The following ABCC8 variants were observed in gnomAD, a reference collection of about 807,000 sequenced individuals.
ABCC8 encodes ATP-binding cassette sub-family C member 8.
In ABCC8, 137 loss-of-function variants were observed where a neutral mutation model predicts 188.0. The observed-to-expected ratio is 0.73, with a 90% CI of 0.63 to 0.84. ABCC8 has a LOEUF of 0.84. Among genes scored for constraint, ABCC8 ranks in the 40% least tolerant of loss-of-function variants. ABCC8 has a pLI of 0.00. For synonymous variants in ABCC8, 797 were observed against 846.5 expected (o/e 0.94, Z 1.01); for missense variants, 1,750 against 2,072.7 (o/e 0.84, Z 3.02).
intron 6 of ABCC8, among the ~76,000 whole-genome samples, chr11:17,457,089 G>C (rs913602136): frequency 1.3e-5 from 2 of 152,180 alleles, no homozygotes; most frequent in Non-Finnish European, 2.9e-5. Flanking sequence ...GGCCAAGAAG[G>C]AGCTAGTGAA....
intron 11 of ABCC8, 46 bp downstream of exon 11, chr11:17,432,158 T>C (rs1955877131): frequency 6.5e-7 from 1 of 1,549,492 alleles, no homozygotes; most frequent in Non-Finnish European, 8.7e-7. Flanking sequence ...GCAGACGCCC[T>C]CCCCCTCCAC....
rs1428579443 is a variant in ABCC8, at chr11:17,476,704, C to T, written c.73G>A (p.Gly25Ser). 6.2e-7 allele frequency: 1 copy of T among 1,611,614 alleles called. No individual in the cohort carries two copies. The highest frequency in any genetic ancestry group is 2.2e-5 in the East Asian group (1 of 44,776). ...YRVDQGVLNN[G>S]CFVDALNVVP... is the part of the protein sequence containing the mutation. The stretch of plus-strand genomic sequence containing the variant: ...ACGTTGAGCGCGTCCACAAAGCAGC[C>T]GTTGTTGAGGACCCCCTGGTCCACC... The change falls in exon 1 of 39, where the codon GGC (glycine) becomes AGC (serine). Residue 25 changes from glycine to serine, a missense_variant. Coordinates refer to ENST00000389817, the MANE Select transcript of ABCC8 (RefSeq NM_000352.6).
At chr11:17,460,207 G>A (rs547786918) in intron 6 of ABCC8, among the ~76,000 whole-genome samples, 59 of 152,362 alleles carry the variant, frequency 3.9e-4, no homozygotes, top group African/African-American at 1.4e-3. Flanking sequence ...ACAAACAAAA[G>A]CACTTCCTGC....
In ABCC8 at chr11:17,428,331, C is replaced by A; in HGVS notation, c.1998G>T (p.Leu666=). ...CRGLTGPLQS[L]VPSADGDADN... is the part of the protein sequence containing the mutation. ...CAGCATCGCCATCTGCACTGGGGAC[C>A]AGGCTCTGCAGTGGGCCGGTGAGGC... The change falls in exon 14 of 39, where the codon CTG becomes CTT. Residue 666 remains leucine (L), a synonymous_variant. Transcript: ENST00000389817. 6.2e-7 allele frequency: 1 copy of A among 1,614,182 alleles called. No individual in the cohort carries two copies.
intron 10 of ABCC8, among the ~76,000 whole-genome samples, chr11:17,434,569 G>A (rs1955993614): frequency 6.6e-6 from 1 of 152,154 alleles, no homozygotes; most frequent in Non-Finnish European, 1.5e-5. Context: ...CAACAAGAGG[G>A]GCTGTTGTAG....
At chr11:17,433,685 T>C (rs1177595129) in intron 10 of ABCC8, among the ~76,000 whole-genome samples, 1 of 152,162 alleles carries the variant, frequency 6.6e-6, no homozygotes, top group Non-Finnish European at 1.5e-5. Flanking sequence ...GGAAGGACAT[T>C]GTCCCCATCC....
intron 29 of ABCC8, among the ~76,000 whole-genome samples, chr11:17,401,416 A>G (rs990344700): frequency 2.0e-5 from 3 of 152,158 alleles, no homozygotes; most frequent in African/African-American, 4.8e-5. Context: ...TACTTAGACA[A>G]GATCCCTAAG....
chr11:17,439,626 A>G (rs866676481), intron 10 of ABCC8, among the ~76,000 whole-genome samples: 8 of 150,740 alleles, frequency 5.3e-5, no homozygotes, highest in African/African-American at 7.3e-5. Flanking sequence ...TAACGGAGGG[A>G]AAAAAAAACA....
At chr11:17,432,080 A>G in intron 11 of ABCC8, 124 bp downstream of exon 11, 1 of 1,306,968 alleles carries the variant, frequency 7.7e-7, no homozygotes, top group Non-Finnish European at 1.1e-6. Context: ...TCCTATTTTC[A>G]GTCTGGCTGT....
chr11:17,455,059 C>T (rs1956944175), intron 6 of ABCC8, among the ~76,000 whole-genome samples: 1 of 152,214 alleles, frequency 6.6e-6, no homozygotes, highest in South Asian at 2.1e-4. Context: ...AGCAACAACA[C>T]ATCATGAGAA....
At position 17,427,255 on chromosome 11, in the gene ABCC8, CT is replaced by C; in HGVS notation, c.2117-102del. On this transcript the variant is annotated intron_variant, in intron 15 of 38. Coordinates refer to ENST00000389817, the MANE Select transcript of ABCC8 (RefSeq NM_000352.6). The surrounding 1 kb of genome is among the most constrained non-coding windows in gnomAD (Gnocchi z 5.0). ...ACAGATGCACCCAACCCTGGGGCCC[CT>C]GTTTTCTTTCTTCCTACCTAGAATC... is the stretch of plus-strand genomic sequence containing the variant. 1 of 1,384,152 alleles carries C rather than the reference CT, an allele frequency of 7.2e-7. No individual in the cohort carries two copies. Among genetic ancestry groups the C allele is most frequent in the South Asian group, 1.8e-5 (1 of 56,672 alleles). 85.7% of individuals were successfully genotyped at this position (1,384,152 alleles called of 1,614,324 possible).
At chr11:17,436,254 G>T in intron 10 of ABCC8, 1 of 487,992 alleles carries the variant, frequency 2.0e-6, no homozygotes, top group Non-Finnish European at 3.8e-6. Flanking sequence ...CATCTTTTGG[G>T]GCTCTGGGGT....
chr11:17,425,102 G>A (rs574201340), intron 16 of ABCC8, among the ~76,000 whole-genome samples: 1 of 152,360 alleles, frequency 6.6e-6, no homozygotes, highest in South Asian at 2.1e-4. Context: ...TGGAGAGGCA[G>A]TCGGAATAAG....
At chr11:17,403,580 A>C (rs987409682) in intron 28 of ABCC8, among the ~76,000 whole-genome samples, 13 of 152,216 alleles carry the variant, frequency 8.5e-5, no homozygotes, top group Admixed American at 1.3e-4. Flanking sequence ...TCCAAAATGC[A>C]TCTAAATTTT....
At chr11:17,447,462 G>A (rs1956582865) in intron 8 of ABCC8, among the ~76,000 whole-genome samples, 1 of 152,132 alleles carries the variant, frequency 6.6e-6, no homozygotes, top group African/African-American at 2.4e-5. Context: ...GAGTCTCTCT[G>A]TTGTCCAGGC....
chr11:17,450,515 C>T (rs1398873746), intron 7 of ABCC8, among the ~76,000 whole-genome samples: 1 of 150,058 alleles, frequency 6.7e-6, no homozygotes, highest in Admixed American at 6.7e-5. Flanking sequence ...CTGCCTCAGC[C>T]TCCCGAGTAG....
At chr11:17,442,304 A>C (rs1172427001) in intron 10 of ABCC8, among the ~76,000 whole-genome samples, 1 of 152,192 alleles carries the variant, frequency 6.6e-6, no homozygotes, top group Admixed American at 6.5e-5. Flanking sequence ...AGTGGATGGA[A>C]GCTTTCTTGT....
At chr11:17,418,362 G>A (rs1290821015) in intron 16 of ABCC8, among the ~76,000 whole-genome samples, 1 of 152,182 alleles carries the variant, frequency 6.6e-6, no homozygotes, top group Non-Finnish European at 1.5e-5. Flanking sequence ...CCTGCTGAGG[G>A]TCAGGACTGA....
In ABCC8 at chr11:17,393,017, C is replaced by T. The variant is rs199736860; in HGVS notation, c.4720G>A (p.Ala1574Thr). ...CACTTGTCTGCACGGACGAAGGAGG[C>T]GAAGACGCTGTCCTTCCGGCTGAGC... is the stretch of plus-strand genomic sequence containing the variant. ...KLLSRKDSVF[A>T]SFVRADK is the part of the protein sequence containing the mutation. Residue 1574 changes from alanine to threonine, a missense_variant, in exon 39 of 39, where the codon GCC becomes ACC. Physicochemically the swap from Ala to Thr is moderately conservative, Grantham distance 58. Coordinates refer to ENST00000389817, the MANE Select transcript of ABCC8 (RefSeq NM_000352.6). 7.4e-6 allele frequency: 12 copies of T among 1,614,138 alleles called. No homozygotes were observed. The highest frequency in any genetic ancestry group is 1.1e-5 in the South Asian group (1 of 91,086).
Sources: allele counts gnomAD v4.1 joint callset (sites outside exome capture counted in the v4.1 genomes callset), GRCh38; gene constraint gnomAD v4.1.1; non-coding constraint Gnocchi (gnomAD v3.1); transcripts MANE v1.5; gene names NCBI Gene and HGNC (gene_info 2026-07-23, HGNC 2026-07-21).